Variants in ROBO2 observed in about 807,000 individuals in gnomAD.
The protein encoded by ROBO2 is roundabout homolog 2.
A neutral mutation model predicts 160.8 loss-of-function variants in ROBO2; 53 were observed. The observed-to-expected ratio is 0.33, with a 90% CI of 0.26 to 0.41. The LOEUF is 0.41. Among genes scored for constraint, ROBO2 ranks in the 10% least tolerant of loss-of-function variants. The pLI, the probability that ROBO2 is intolerant of heterozygous loss-of-function variation, is 1.00. For missense variants in ROBO2, 1,577 were observed against 1,722.4 expected, an observed-to-expected ratio of 0.92 and a Z score of 1.49; for synonymous variants, 664 against 611.7, an observed-to-expected ratio of 1.09 and a Z score of -1.26.
chr3:76,221,680 A>T (rs1319137744), intron 2 of ROBO2, among the ~76,000 whole-genome samples: 1 of 152,196 alleles, frequency 6.6e-6, no homozygotes, highest in Admixed American at 6.5e-5. Flanking sequence ...TATCATTTTT[A>T]TCAAGTTAGC....
chr3:76,789,759 A>G (rs1034436216), intron 2 of ROBO2, among the ~76,000 whole-genome samples: 2 of 151,762 alleles, frequency 1.3e-5, no homozygotes, highest in African/African-American at 4.8e-5. Flanking sequence ...AGAGGACAGC[A>G]AATTTGATTT....
chr3:77,072,463 C>T (rs1395399476), intron 1 of ROBO2, among the ~76,000 whole-genome samples: 1 of 152,178 alleles, frequency 6.6e-6, no homozygotes, highest in Non-Finnish European at 1.5e-5. Flanking sequence ...TGATCTAGAA[C>T]TGACCAAGGC....
At chr3:76,392,827 T>C (rs2077223230) in intron 2 of ROBO2, among the ~76,000 whole-genome samples, 1 of 152,156 alleles carries the variant, frequency 6.6e-6, no homozygotes, top group African/African-American at 2.4e-5. Flanking sequence ...AACTGAATTT[T>C]GATCATCTTC....
chr3:76,901,539 T>G (rs1166989), intron 2 of ROBO2, among the ~76,000 whole-genome samples: 95,583 of 136,266 alleles, frequency 0.7, 33,133 homozygotes, highest in Middle Eastern at 0.85. Flanking sequence ...TTGTACTCCA[T>G]CCTGGGCAAC....
intron 2 of ROBO2, among the ~76,000 whole-genome samples, chr3:76,106,211 T>C (rs1472831880): frequency 6.6e-6 from 1 of 152,078 alleles, no homozygotes; most frequent in South Asian, 2.1e-4. Context: ...GTGGCTTATT[T>C]TTGTCTGGCT....
In ROBO2 at chr3:77,596,799, T is replaced by C. The variant is rs757426450; in HGVS notation, c.2854+49T>C. The C allele has an allele frequency of 3.2e-5, 50 of 1,561,520 alleles. No homozygotes were observed. The Admixed American group carries it at 7.6e-4, about 24-fold the overall frequency. ...TGTTATTTGAGTTCTCTCTCTCTTTTTTTTTTTTTGACCTTCCTGGATTTT... is the reference window on the plus strand; with the variant it reads ...TGTTATTTGAGTTCTCTCTCTCTTTCTTTTTTTTTGACCTTCCTGGATTTT... On this transcript the variant is annotated intron_variant, in intron 19 of 25. Coordinates refer to ENST00000461745, the Ensembl canonical transcript of ROBO2.
intron 2 of ROBO2, among the ~76,000 whole-genome samples, chr3:76,227,383 A>G (rs969657028): frequency 6.6e-6 from 1 of 152,152 alleles, no homozygotes; most frequent in Non-Finnish European, 1.5e-5. Context: ...TTCTGAGTGG[A>G]TAAAAATGAT....
At chr3:76,725,577 A>G (rs1442863934) in intron 2 of ROBO2, among the ~76,000 whole-genome samples, 2 of 152,200 alleles carry the variant, frequency 1.3e-5, no homozygotes, top group African/African-American at 2.4e-5. Flanking sequence ...AAGCAATAAC[A>G]AAGTTTCATT....
At chr3:76,728,017 T>C (rs1032665720) in intron 2 of ROBO2, among the ~76,000 whole-genome samples, 3 of 152,020 alleles carry the variant, frequency 2.0e-5, no homozygotes, top group African/African-American at 7.2e-5. Flanking sequence ...ATATACTGTA[T>C]AGATATGTAC....
chr3:76,569,755 G>A (rs1464892104), intron 2 of ROBO2, among the ~76,000 whole-genome samples: 1 of 151,984 alleles, frequency 6.6e-6, no homozygotes, highest in African/African-American at 2.4e-5. Flanking sequence ...TACCATTATA[G>A]CCACCCCATT....
chr3:76,071,797 T>A (rs1438923684), intron 2 of ROBO2, among the ~76,000 whole-genome samples: 2 of 151,642 alleles, frequency 1.3e-5, no homozygotes, highest in African/African-American at 4.8e-5. Context: ...ATGATTATAA[T>A]CTTATTATTA....
intron 2 of ROBO2, among the ~76,000 whole-genome samples, chr3:77,186,680 A>G (rs6548484): frequency 0.42 from 63,338 of 151,824 alleles, 13,627 homozygotes; most frequent in Middle Eastern, 0.55. Context: ...GCTGATATTA[A>G]TAATTTCATT....
rs1305777808 is a variant in ROBO2, at chr3:77,139,707, T to C, written c.388+41367T>C. ...TGCACTTTCTAATAAAACGTTTTGTTCATGTAGGCTGTATCTTCTGCACTC... is the reference window on the plus strand; with the variant it reads ...TGCACTTTCTAATAAAACGTTTTGTCCATGTAGGCTGTATCTTCTGCACTC... On this transcript the variant is annotated intron_variant, in intron 2 of 25. Transcript: ENST00000461745. 2.6e-5 allele frequency among the ~76,000 whole-genome samples: 4 copies of C among 152,190 alleles called. 1 individual carries two copies. Among genetic ancestry groups the C allele is most frequent in the Admixed American group, 6.5e-5 (1 of 15,280 alleles).
chr3:75,971,853 T>C (rs886836648), intron 2 of ROBO2, among the ~76,000 whole-genome samples: 1 of 151,536 alleles, frequency 6.6e-6, no homozygotes, highest in African/African-American at 2.4e-5. Context: ...TCCTTCAGCC[T>C]CTTCCATTAA....
chr3:77,311,765 C>A (rs76325866), intron 2 of ROBO2, among the ~76,000 whole-genome samples: 1 of 152,126 alleles, frequency 6.6e-6, no homozygotes. Context: ...CTGTCTCATT[C>A]TTTCGTCTTT....
intron 2 of ROBO2, among the ~76,000 whole-genome samples, chr3:76,925,603 T>C (rs1559713380): frequency 6.6e-6 from 1 of 152,180 alleles, no homozygotes; most frequent in African/African-American, 2.4e-5. Context: ...GAATATTGTT[T>C]TGATATTTGC....
intron 2 of ROBO2, among the ~76,000 whole-genome samples, chr3:76,216,833 C>T (rs1404874456): frequency 1.3e-5 from 2 of 152,160 alleles, no homozygotes; most frequent in African/African-American, 2.4e-5. Flanking sequence ...ACAGAACTCT[C>T]CACCCAAAAT....
intron 2 of ROBO2, among the ~76,000 whole-genome samples, chr3:76,643,343 C>A (rs1320757503): frequency 6.6e-6 from 1 of 152,026 alleles, no homozygotes; most frequent in East Asian, 1.9e-4. Context: ...ATGATAGTTA[C>A]AAAATATGAT....
At chr3:76,755,103 A>T (rs184378703) in intron 2 of ROBO2, among the ~76,000 whole-genome samples, 81 of 152,004 alleles carry the variant, frequency 5.3e-4, no homozygotes, top group African/African-American at 1.9e-3. Context: ...TATTAGAAAT[A>T]GTTTGACTGT....
Sources: gnomAD v4.1 joint callset for allele counts (sites outside exome capture counted in the v4.1 genomes callset) on GRCh38, gnomAD v4.1.1 for gene constraint, MANE v1.5 for transcripts, NCBI Gene and HGNC (gene_info 2026-07-23, HGNC 2026-07-21) for gene names.